ARHGAP12: variants seen among roughly 807,000 people sequenced by gnomAD.
ARHGAP12 encodes the protein Rho GTPase activating protein 12, also known as rho GTPase-activating protein 12.
In ARHGAP12, 64 loss-of-function variants were observed where a neutral mutation model predicts 108.6. That is an observed-to-expected ratio of 0.59 (90% CI 0.48 to 0.73). The LOEUF is 0.73. Ranked by LOEUF, ARHGAP12 falls within the 30% of genes least tolerant of loss-of-function variation. The probability of loss-of-function intolerance (pLI) is 0.00; values close to 1 mark genes in which losing one functional copy is unlikely to be tolerated. For synonymous variants in ARHGAP12, 312 were observed against 337.2 expected (o/e 0.93, Z 0.82); for missense variants, 940 against 1,005.9 (o/e 0.93, Z 0.89).
chr10:31,885,954 G>A (rs957846342), intron 3 of ARHGAP12, among the ~76,000 whole-genome samples: 21 of 151,750 alleles, frequency 1.4e-4, no homozygotes, highest in African/African-American at 4.4e-4. Flanking sequence ...TTCTGATTTC[G>A]AAGCCTATTC....
chr10:31,836,631 C>T (rs1227034654), intron 9 of ARHGAP12, among the ~76,000 whole-genome samples: 1 of 152,124 alleles, frequency 6.6e-6, no homozygotes. Context: ...TCTAAATTTG[C>T]AGCTTCCTTC....
chr10:31,905,993 T>G (rs1839119706), intron 3 of ARHGAP12, among the ~76,000 whole-genome samples: 1 of 151,870 alleles, frequency 6.6e-6, no homozygotes, highest in African/African-American at 2.4e-5. Flanking sequence ...AGAACAGGGC[T>G]GAACTGCACA....
At chr10:31,901,080 C>A (rs141009560) in intron 3 of ARHGAP12, among the ~76,000 whole-genome samples, 25 of 150,554 alleles carry the variant, frequency 1.7e-4, no homozygotes, top group Non-Finnish European at 3.1e-4. Flanking sequence ...TAGCTGGGCA[C>A]GGTGGTGCAC....
chr10:31,858,448 T>C (rs1161707746), intron 4 of ARHGAP12, among the ~76,000 whole-genome samples: 1 of 152,170 alleles, frequency 6.6e-6, no homozygotes, highest in Non-Finnish European at 1.5e-5. Flanking sequence ...CTGGGCATGG[T>C]GGCCCATACT....
intron 3 of ARHGAP12, among the ~76,000 whole-genome samples, chr10:31,862,298 T>C (rs1393993181): frequency 6.6e-6 from 1 of 152,228 alleles, no homozygotes; most frequent in Non-Finnish European, 1.5e-5. Flanking sequence ...CCTAGCTTCC[T>C]TATTTGTGAA....
chr10:31,811,977 T>C (rs1271663543), intron 15 of ARHGAP12, among the ~76,000 whole-genome samples: 1 of 152,192 alleles, frequency 6.6e-6, no homozygotes, highest in Non-Finnish European at 1.5e-5. Context: ...TTAATAAAAC[T>C]GGCTTGCGTG....
At chr10:31,872,559 T>C (rs1592318018) in intron 3 of ARHGAP12, among the ~76,000 whole-genome samples, 1 of 152,220 alleles carries the variant, frequency 6.6e-6, no homozygotes, top group African/African-American at 2.4e-5. Flanking sequence ...TCTTCCTCTC[T>C]TATCCCAAGA....
intron 10 of ARHGAP12, among the ~76,000 whole-genome samples, chr10:31,827,157 C>T (rs1835647158): frequency 6.6e-6 from 1 of 152,130 alleles, no homozygotes; most frequent in Non-Finnish European, 1.5e-5. Context: ...TATCAGTTCA[C>T]CCATTTAGAA....
At chr10:31,883,401 A>G (rs1838060750) in intron 3 of ARHGAP12, among the ~76,000 whole-genome samples, 1 of 152,242 alleles carries the variant, frequency 6.6e-6, no homozygotes, top group African/African-American at 2.4e-5. Flanking sequence ...AAGGTGAGAA[A>G]TGGTGTCAAT....
chr10:31,849,242 T>C (rs1366582747), intron 6 of ARHGAP12, among the ~76,000 whole-genome samples: 1 of 152,130 alleles, frequency 6.6e-6, no homozygotes, highest in Non-Finnish European at 1.5e-5. Flanking sequence ...TATTTCTTTC[T>C]CTCAATCCTC....
Position 31,908,762 on chromosome 10 carries a change from T to C in ARHGAP12, c.94A>G (p.Ile32Val). The C allele has an allele frequency of 6.2e-7, 1 of 1,613,736 alleles. No individual in the cohort carries two copies. Among genetic ancestry groups the C allele is most frequent in the Non-Finnish European group, 8.5e-7 (1 of 1,180,022 alleles). ...TACCTCTCCCCTTGTTTTATCACAA[T>C]CTTTCTGTCCTTTGCTTCATATTCA... is the stretch of plus-strand genomic sequence containing the variant. ...DYEYEAKDRK[I>V]VIKQGERYIL... is the part of the protein sequence containing the mutation. The change falls in exon 3 of 20, where the codon ATT becomes GTT. Residue 32 changes from isoleucine (I) to valine (V), a missense_variant. By Grantham distance (29) the Ile-to-Val change is conservative (BLOSUM62 3). Coordinates refer to ENST00000344936, the MANE Select transcript of ARHGAP12 (RefSeq NM_018287.7).
chr10:31,853,932 T>C (rs1185263216), intron 5 of ARHGAP12, 134 bp downstream of exon 5: 26 of 928,972 alleles, frequency 2.8e-5, no homozygotes, highest in Non-Finnish European at 3.9e-5. Flanking sequence ...GTATTGTCAA[T>C]TGGCATGATT....
At chr10:31,900,221 C>T (rs1041360424) in intron 3 of ARHGAP12, among the ~76,000 whole-genome samples, 10 of 152,226 alleles carry the variant, frequency 6.6e-5, no homozygotes, top group African/African-American at 2.2e-4. Flanking sequence ...ACCAAATGCT[C>T]GTGAATATGT....
intron 3 of ARHGAP12, among the ~76,000 whole-genome samples, chr10:31,894,576 C>CCA: frequency 6.6e-6 from 1 of 152,266 alleles, no homozygotes; most frequent in Non-Finnish European, 1.5e-5. Flanking sequence ...GAACTACAAA[C>CCA]CACTGCTCAG....
chr10:31,886,797 AC>A (rs1230773158), intron 3 of ARHGAP12, among the ~76,000 whole-genome samples: 13 of 152,224 alleles, frequency 8.5e-5, no homozygotes, highest in Non-Finnish European at 1.8e-4. Context: ...AAGGACTGAC[AC>A]AAAATGCAGT....
chr10:31,901,425 G>T (rs1012970336), intron 3 of ARHGAP12, among the ~76,000 whole-genome samples: 1 of 150,630 alleles, frequency 6.6e-6, no homozygotes, highest in Non-Finnish European at 1.5e-5. Flanking sequence ...CCAGCTACTC[G>T]GGAAGCTGAG....
chr10:31,860,181 C>A (rs35154504), intron 4 of ARHGAP12, among the ~76,000 whole-genome samples: 1 of 152,164 alleles, frequency 6.6e-6, no homozygotes, highest in Admixed American at 6.5e-5. Context: ...AATAAACCAA[C>A]TGAAAAATGG....
intron 6 of ARHGAP12, among the ~76,000 whole-genome samples, chr10:31,847,082 T>G (rs1324131079): frequency 6.6e-6 from 1 of 152,174 alleles, no homozygotes; most frequent in African/African-American, 2.4e-5. Context: ...GTATATCTTC[T>G]ATTTCTTTGC....
chr10:31,918,267 CCAGT>C (rs375873495), intron 1 of ARHGAP12, among the ~76,000 whole-genome samples: 22 of 149,828 alleles, frequency 1.5e-4, no homozygotes, highest in African/African-American at 5.4e-4. Context: ...ATATAAGCGG[CCAGT>C]AAGAACCTGC....
Sources: gnomAD v4.1 joint callset for allele counts (sites outside exome capture counted in the v4.1 genomes callset) on GRCh38, gnomAD v4.1.1 for gene constraint, MANE v1.5 for transcripts, NCBI Gene and HGNC (gene_info 2026-07-23, HGNC 2026-07-21) for gene names.